FHIT: variants seen among roughly 807,000 people sequenced by gnomAD.
FHIT encodes the protein bis(5'-adenosyl)-triphosphatase.
FHIT carries 19 observed loss-of-function variants against 17.9 expected under a neutral mutation model. The ratio of observed to expected loss-of-function variants is 1.06; its 90% CI spans 0.74 to 1.56. The LOEUF (loss-of-function observed/expected upper bound fraction) is 1.56, where lower values mean the gene tolerates loss of function less well. Ranked by LOEUF, FHIT falls within the 40% of genes most tolerant of loss-of-function variation. The pLI is 0.00. For synonymous variants in FHIT, 81 were observed against 69.7 expected, an observed-to-expected ratio of 1.16 and a Z score of -0.81; for missense variants, 248 against 189.2, an observed-to-expected ratio of 1.31 and a Z score of -1.82.
intron 7 of FHIT, among the ~76,000 whole-genome samples, chr3:59,933,589 G>A (rs1007995665): frequency 5.3e-5 from 8 of 152,080 alleles, no homozygotes; most frequent in East Asian, 1.9e-4. Context: ...GATGTCAAGC[G>A]TAATCTGTAT....
intron 5 of FHIT, among the ~76,000 whole-genome samples, chr3:60,412,629 A>G (rs570993499): frequency 1.3e-5 from 2 of 152,182 alleles, no homozygotes; most frequent in Admixed American, 6.5e-5. Flanking sequence ...ACCAGGAGGT[A>G]GCCCATTTGC....
intron 5 of FHIT, among the ~76,000 whole-genome samples, chr3:60,510,633 A>C (rs973858766): frequency 5.3e-5 from 8 of 152,040 alleles, no homozygotes; most frequent in Non-Finnish European, 1.0e-4. Context: ...TCCAAGACAG[A>C]GATGTGAGTT....
chr3:59,912,844 G>C (rs180960783), intron 8 of FHIT, among the ~76,000 whole-genome samples: 9 of 152,214 alleles, frequency 5.9e-5, no homozygotes, highest in Non-Finnish European at 1.0e-4. Context: ...AAGCAAGACT[G>C]TTTCTTTTTC....
chr3:60,018,985 C>G (rs1183878104), intron 5 of FHIT, among the ~76,000 whole-genome samples: 1 of 151,862 alleles, frequency 6.6e-6, no homozygotes, highest in Non-Finnish European at 1.5e-5. Context: ...TGTCTCAAAA[C>G]AACAACAACA....
At chr3:60,305,659 G>A (rs1708636693) in intron 5 of FHIT, among the ~76,000 whole-genome samples, 2 of 152,048 alleles carry the variant, frequency 1.3e-5, no homozygotes, top group African/African-American at 4.8e-5. Context: ...CCAAGAGCTT[G>A]GGTACAGATG....
At chr3:60,983,036 T>C (rs2107559685) in intron 3 of FHIT, among the ~76,000 whole-genome samples, 1 of 152,228 alleles carries the variant, frequency 6.6e-6, no homozygotes, top group East Asian at 1.9e-4. Flanking sequence ...TGAAAGTACA[T>C]ATAAGCTTCT....
chr3:60,167,980 C>T (rs1701252765), intron 5 of FHIT, among the ~76,000 whole-genome samples: 1 of 152,164 alleles, frequency 6.6e-6, no homozygotes, highest in Non-Finnish European at 1.5e-5. Flanking sequence ...GCCGTGATCA[C>T]ACCAGTGCAC....
At chr3:60,789,175 T>TAGAG (rs59757824) in intron 4 of FHIT, among the ~76,000 whole-genome samples, 2,898 of 102,590 alleles carry the variant, frequency 0.028, 51 homozygotes, top group African/African-American at 0.061. Context: ...TATATATATA[T>TAGAG]AGAGAGAGAG....
At chr3:60,971,868 C>T (rs11130803) in intron 3 of FHIT, among the ~76,000 whole-genome samples, 36,822 of 152,046 alleles carry the variant, frequency 0.24, 5,817 homozygotes, top group East Asian at 0.62. Context: ...AAAATTCCCC[C>T]ATCTATGTTT....
At chr3:61,160,788 T>C (rs1232267284) in intron 2 of FHIT, among the ~76,000 whole-genome samples, 2 of 152,234 alleles carry the variant, frequency 1.3e-5, no homozygotes, top group African/African-American at 4.8e-5. Context: ...TTGCCTTTTA[T>C]TTTCCCTATG....
chr3:59,977,872 T>C (rs1335859242), intron 7 of FHIT, among the ~76,000 whole-genome samples: 2 of 152,058 alleles, frequency 1.3e-5, no homozygotes, highest in Non-Finnish European at 2.9e-5. Context: ...AGAAAGAGAG[T>C]GATATTTGGA....
At chr3:60,066,970 T>C (rs1420520592) in intron 5 of FHIT, among the ~76,000 whole-genome samples, 1 of 152,122 alleles carries the variant, frequency 6.6e-6, no homozygotes, top group Non-Finnish European at 1.5e-5. Context: ...CTGTGAATAC[T>C]GACACAGCGC....
chr3:60,966,087 C>G (rs897345496), intron 3 of FHIT, among the ~76,000 whole-genome samples: 2 of 152,124 alleles, frequency 1.3e-5, no homozygotes, highest in Non-Finnish European at 2.9e-5. Context: ...TGGGCTCCAC[C>G]CATTTCGAGC....
chr3:61,064,391 G>T (rs1464645939), intron 2 of FHIT, among the ~76,000 whole-genome samples: 2 of 152,134 alleles, frequency 1.3e-5, no homozygotes, highest in African/African-American at 4.8e-5. Flanking sequence ...ACCGCCAATG[G>T]TGGAATGAAA....
Position 60,071,452 on chromosome 3 carries a change from A to G in FHIT, c.104-57300T>C, listed in dbSNP as rs1486269083. Among the ~76,000 whole-genome samples the G allele has an allele frequency of 2.0e-5, 3 of 152,052 alleles. No homozygotes were observed. The South Asian group carries it at 6.2e-4, about 32-fold the overall frequency. Reference sequence around the variant, plus strand: ...CAACCGTGTCTGTATTGGCCTCTTGATTTCTGTACTATAACAAGCATTTCC... The same window carrying G: ...CAACCGTGTCTGTATTGGCCTCTTGGTTTCTGTACTATAACAAGCATTTCC... On this transcript the variant is annotated intron_variant, in intron 5 of 9. Transcript: ENST00000492590.
intron 4 of FHIT, among the ~76,000 whole-genome samples, chr3:60,813,514 G>C (rs35808939): frequency 0.3 from 46,030 of 151,766 alleles, 7,567 homozygotes; most frequent in Middle Eastern, 0.39. Flanking sequence ...ATCATGGGAG[G>C]TGCTTAAACA....
chr3:60,283,853 A>G (rs554384915), intron 5 of FHIT, among the ~76,000 whole-genome samples: 5 of 152,084 alleles, frequency 3.3e-5, no homozygotes, highest in Non-Finnish European at 7.4e-5. Context: ...AAGGTATACA[A>G]TAGGGAAAAT....
chr3:60,916,151 T>C (rs375889666), intron 3 of FHIT, among the ~76,000 whole-genome samples: 2 of 152,302 alleles, frequency 1.3e-5, no homozygotes, highest in African/African-American at 4.8e-5. Flanking sequence ...TATTTACAGA[T>C]TCTCCTATTG....
At chr3:60,304,096 C>A (rs1446447588) in intron 5 of FHIT, among the ~76,000 whole-genome samples, 1 of 152,120 alleles carries the variant, frequency 6.6e-6, no homozygotes, top group African/African-American at 2.4e-5. Context: ...CGTAGACACA[C>A]AGATGTTCTA....
Sources: gnomAD v4.1 joint callset for allele counts (sites outside exome capture counted in the v4.1 genomes callset) on GRCh38, gnomAD v4.1.1 for gene constraint, MANE v1.5 for transcripts, NCBI Gene and HGNC (gene_info 2026-07-23, HGNC 2026-07-21) for gene names.